Variants in WWOX observed in about 807,000 individuals in gnomAD.
The protein encoded by WWOX is WW domain containing oxidoreductase.
WWOX carries 69 observed loss-of-function variants against 46.2 expected under a neutral mutation model. The ratio of observed to expected loss-of-function variants is 1.49; its 90% confidence interval spans 1.23 to 1.82. WWOX has a LOEUF of 1.82. Among genes scored for constraint, WWOX ranks in the 40% most tolerant of loss-of-function variants. WWOX has a pLI of 0.00. For missense variants in WWOX, 919 were observed against 542.6 expected (o/e 1.69, Z -6.89); for synonymous variants, 359 against 202.6 (o/e 1.77, Z -6.56).
intron 4 of WWOX, among the ~76,000 whole-genome samples, chr16:78,120,137 A>G (rs2033013924): frequency 6.6e-6 from 1 of 152,170 alleles, no homozygotes; most frequent in Admixed American, 6.5e-5. Flanking sequence ...ATGTCACAAA[A>G]TCACCTCTCT....
rs955344504 is a variant in WWOX, at chr16:78,744,423, T to C, written c.1056+311671T>C. On this transcript the variant is annotated intron_variant, in intron 8 of 8. Transcript: ENST00000566780. The stretch of plus-strand genomic sequence containing the variant: ...AGGAAGGGCCCATGGTCCACACTGC[T>C]TTTTTTTTTTTTTTTTTTTTTTTTT... Among the ~76,000 whole-genome samples the C allele has an allele frequency of 6.9e-5, 5 of 72,170 alleles. No individual in the cohort carries two copies. The South Asian group carries it at 1.3e-3, about 19-fold the overall frequency. The allele number at this position is 72,170 out of a possible 152,430, so 47.3% of individuals were successfully genotyped here.
chr16:78,416,190 T>G (rs1171884174), intron 6 of WWOX, among the ~76,000 whole-genome samples: 1 of 152,224 alleles, frequency 6.6e-6, no homozygotes, highest in Non-Finnish European at 1.5e-5. Flanking sequence ...CATTCTGTCT[T>G]TATAGTTTGA....
chr16:78,837,750 A>G (rs548405581), intron 8 of WWOX, among the ~76,000 whole-genome samples: 221 of 152,326 alleles, frequency 1.5e-3, no homozygotes, highest in African/African-American at 5.1e-3. Flanking sequence ...GTAATTTGTA[A>G]TAACAATAGC....
At chr16:79,040,525 C>T (rs1456257918) in intron 8 of WWOX, among the ~76,000 whole-genome samples, 3 of 152,142 alleles carry the variant, frequency 2.0e-5, no homozygotes, top group African/African-American at 7.2e-5. Context: ...ATCTACCTAC[C>T]TTGGCCCCAC....
At chr16:78,179,437 C>G (rs1484812364) in intron 5 of WWOX, among the ~76,000 whole-genome samples, 1 of 152,176 alleles carries the variant, frequency 6.6e-6, no homozygotes, top group Non-Finnish European at 1.5e-5. Flanking sequence ...GACAAGAAAA[C>G]TGAGGCCCAC....
rs1567563661 is a variant in WWOX at position 78,422,836 on chromosome 16, T to TACACACAC, written c.606-2033_606-2032insCACACACA. Among the ~76,000 whole-genome samples, 6 of 106,702 alleles carry TACACACAC rather than the reference T, an allele frequency of 5.6e-5. 1 individual carries two copies. The highest frequency in any genetic ancestry group is 6.8e-4 in the South Asian group (2 of 2,936). The allele number at this position is 106,702 out of a possible 152,430, so 70.0% of individuals were successfully genotyped here. ...ATATATATACACACACATATATATATATACATATACACACACACACACACA... is the reference window on the plus strand; with the variant it reads ...ATATATATACACACACATATATATATACACACACATACATATACACACACACACACACA... On this transcript the variant is annotated intron_variant, in intron 6 of 8. Coordinates refer to ENST00000566780, the MANE Select transcript of WWOX (RefSeq NM_016373.4).
At chr16:78,854,435 C>G (rs1181254503) in intron 8 of WWOX, among the ~76,000 whole-genome samples, 2 of 152,164 alleles carry the variant, frequency 1.3e-5, no homozygotes, top group Non-Finnish European at 2.9e-5. Context: ...TGAAGACTGT[C>G]CTTTAGTTAA....
chr16:78,473,098 T>A (rs898321764), intron 8 of WWOX, among the ~76,000 whole-genome samples: 1 of 152,136 alleles, frequency 6.6e-6, no homozygotes, highest in Non-Finnish European at 1.5e-5. Flanking sequence ...TAAGTAAAGT[T>A]TTATAGGAAC....
chr16:78,122,077 G>A (rs1239565254), intron 4 of WWOX, among the ~76,000 whole-genome samples: 1 of 152,074 alleles, frequency 6.6e-6, no homozygotes, highest in Non-Finnish European at 1.5e-5. Context: ...ACAGTACATT[G>A]TTATAGTTCT....
chr16:78,855,508 A>G (rs977443593), intron 8 of WWOX, among the ~76,000 whole-genome samples: 1 of 152,196 alleles, frequency 6.6e-6, no homozygotes, highest in African/African-American at 2.4e-5. Context: ...TGGCTGAATG[A>G]AGATCGATTC....
intron 8 of WWOX, among the ~76,000 whole-genome samples, chr16:78,872,327 A>T (rs2044146111): frequency 6.6e-6 from 1 of 152,226 alleles, no homozygotes; most frequent in Non-Finnish European, 1.5e-5. Flanking sequence ...ATGTAGGGAA[A>T]ACACTTGTTG....
intron 5 of WWOX, among the ~76,000 whole-genome samples, chr16:78,290,647 T>G (rs970805838): frequency 6.6e-6 from 1 of 152,072 alleles, no homozygotes; most frequent in Non-Finnish European, 1.5e-5. Flanking sequence ...GTGTCGGACT[T>G]TAGTCCATTC....
chr16:78,980,700 A>G (rs1369588162), intron 8 of WWOX, among the ~76,000 whole-genome samples: 1 of 152,186 alleles, frequency 6.6e-6, no homozygotes, highest in African/African-American at 2.4e-5. Context: ...TGACCTTGAA[A>G]GGGGACCCGG....
chr16:78,402,769 T>C (rs1597172385), intron 6 of WWOX, among the ~76,000 whole-genome samples: 1 of 152,194 alleles, frequency 6.6e-6, no homozygotes, highest in Admixed American at 6.5e-5. Flanking sequence ...TTAAAGCGTT[T>C]TGCTTATTTG....
intron 8 of WWOX, among the ~76,000 whole-genome samples, chr16:78,965,805 G>A (rs759233566): frequency 6.6e-6 from 1 of 152,118 alleles, no homozygotes; most frequent in Non-Finnish European, 1.5e-5. Context: ...ATAATATCTA[G>A]AGGCTTATTG....
rs201085823 is a variant in WWOX, at chr16:79,154,518, AAAG to A, written c.1057-57088_1057-57086del. ...TCCTCTTTTGCAAAAAAAAAAAAAA[AAAG>A]AGGTGAATTTAGTTGAAAGGATATA... On this transcript the variant is annotated intron_variant, in intron 8 of 8. Coordinates refer to ENST00000566780, the MANE Select transcript of WWOX (RefSeq NM_016373.4). Among the ~76,000 whole-genome samples, 59 of 150,220 alleles carry A rather than the reference AAAG, an allele frequency of 3.9e-4. 1 individual carries two copies. The East Asian group carries it at 6.8e-3, about 17-fold the overall frequency.
intron 8 of WWOX, among the ~76,000 whole-genome samples, chr16:78,953,539 C>A (rs532212282): frequency 6.6e-6 from 1 of 152,288 alleles, no homozygotes; most frequent in Non-Finnish European, 1.5e-5. Context: ...CTGTTGGCTT[C>A]CTTCAGAGTC....
chr16:78,874,556 T>G (rs2044195476), intron 8 of WWOX, among the ~76,000 whole-genome samples: 1 of 152,086 alleles, frequency 6.6e-6, no homozygotes. Context: ...ATGTTATTCA[T>G]GGCAAAAGAT....
chr16:78,336,041 G>A (rs13337392), intron 5 of WWOX, among the ~76,000 whole-genome samples: 10,916 of 151,574 alleles, frequency 0.072, 1,155 homozygotes, highest in African/African-American at 0.23. Context: ...GCAGTGAGCC[G>A]AGATCAGGCC....
Sources: allele counts gnomAD v4.1 joint callset (sites outside exome capture counted in the v4.1 genomes callset), GRCh38; gene constraint gnomAD v4.1.1; transcripts MANE v1.5; gene names NCBI Gene and HGNC (gene_info 2026-07-23, HGNC 2026-07-21).